Variants in HLA-DRA observed in about 807,000 individuals in gnomAD.
HLA-DRA encodes the protein major histocompatibility complex, class II, DR alpha.
In HLA-DRA, 8 loss-of-function variants were observed where a neutral mutation model predicts 22.1. That is an observed-to-expected ratio of 0.36 (90% confidence interval 0.21 to 0.65). The LOEUF (loss-of-function observed/expected upper bound fraction) is 0.65. Ranked by LOEUF, HLA-DRA falls within the 30% of genes least tolerant of loss-of-function variation. The pLI, the probability that HLA-DRA is intolerant of heterozygous loss-of-function variation, is 0.63. For synonymous variants in HLA-DRA, 101 were observed against 117.1 expected (o/e 0.86, Z 0.89); for missense variants, 248 against 321.3 (o/e 0.77, Z 1.74).
chr6:32,444,069 C>T (rs2239802), intron 4 of HLA-DRA, 148 bp downstream of exon 4: 2 of 511,850 alleles, frequency 3.9e-6, no homozygotes, highest in African/African-American at 2.0e-5. Context: ...ATCAGACATT[C>T]GTATCATCTG....
chr6:32,443,684 A>G, intron 3 of HLA-DRA, 72 bp from the exon 4 acceptor site: 2 of 1,379,408 alleles, frequency 1.4e-6, no homozygotes, highest in Non-Finnish European at 2.0e-6. Flanking sequence ...TTTATTAAGA[A>G]CCCTACATTT....
intron 4 of HLA-DRA, 123 bp downstream of exon 4, chr6:32,444,044 T>C: frequency 1.5e-6 from 1 of 656,924 alleles, no homozygotes. Flanking sequence ...TCTTGATTTC[T>C]CTTTGCTAGA....
chr6:32,440,381 T>C (rs766570560), intron 1 of HLA-DRA, among the ~76,000 whole-genome samples: 9 of 151,772 alleles, frequency 5.9e-5, no homozygotes, highest in East Asian at 3.9e-4. Context: ...TCTGGAAAAT[T>C]AGTAAAATTA....
Position 32,443,752 on chromosome 6 carries a change from C to A in HLA-DRA, c.611-4C>A, listed in dbSNP as rs1224811507. 2 of 1,578,470 alleles carry A rather than the reference C, an allele frequency of 1.3e-6. No individual in the cohort carries two copies. Among genetic ancestry groups the A allele is most frequent in the African/African-American group, 1.4e-5 (1 of 73,668 alleles). ...ACCATGTACTCTGCCTTATTTCCCCCCAGAGTTTGATGCTCCAAGCCCTCT... is the reference window on the plus strand; with the variant it reads ...ACCATGTACTCTGCCTTATTTCCCCACAGAGTTTGATGCTCCAAGCCCTCT... On this transcript the variant is annotated splice_polypyrimidine_tract_variant and splice_region_variant and intron_variant, in intron 3 of 4. Transcript: ENST00000395388.
In HLA-DRA at chr6:32,443,459, G is replaced by A; in HGVS notation, c.603G>A (p.Lys201=). 1 of 1,612,690 alleles carries A rather than the reference G, an allele frequency of 6.2e-7. No individual in the cohort carries two copies. Among genetic ancestry groups the A allele is most frequent in the East Asian group, 2.2e-5 (1 of 44,880 alleles). Residue 201 remains lysine, a synonymous_variant, in exon 3 of 5, where the codon AAG becomes AAA. Transcript: ENST00000395388. ...GGGGCTTGGATGAGCCTCTTCTCAA[G>A]CACTGGGGTATGGACCAACACTCAA... ...EHWGLDEPLL[K]HWEFDAPSPL...
chr6:32,442,829 C>G (rs1380542740), intron 2 of HLA-DRA, 136 bp downstream of exon 2: 53 of 1,057,768 alleles, frequency 5.0e-5, no homozygotes, highest in African/African-American at 8.0e-5. Flanking sequence ...GCCCCAAATT[C>G]TCATGCCAGA....
Position 32,443,322 on chromosome 6 carries a change from G to C in HLA-DRA, c.466G>C (p.Gly156Arg). 1 of 1,613,088 alleles carries C rather than the reference G, an allele frequency of 6.2e-7. No homozygotes were observed. Among genetic ancestry groups the C allele is most frequent in the Non-Finnish European group, 8.5e-7 (1 of 1,180,044 alleles). The part of the protein sequence containing the change: ...WLRNGKPVTT[G>R]VSETVFLPRE... ...TCGAAATGGAAAACCTGTCACCACAGGAGTGTCAGAGACAGTCTTCCTGCC... is the reference window on the plus strand; with the variant it reads ...TCGAAATGGAAAACCTGTCACCACACGAGTGTCAGAGACAGTCTTCCTGCC... Residue 156 changes from glycine to arginine, a missense_variant, in exon 3 of 5, where the codon GGA (glycine) becomes CGA (arginine). Physicochemically the swap from Gly to Arg is moderately radical, Grantham distance 125. Transcript: ENST00000395388.
At chr6:32,442,408 C>T (rs564581448) in intron 1 of HLA-DRA, 40 bp from the exon 2 acceptor site, 12 of 1,609,980 alleles carry the variant, frequency 7.5e-6, no homozygotes, top group Admixed American at 6.7e-5. Context: ...TCTCTTGATT[C>T]CCCCCACCCA....
intron 1 of HLA-DRA, among the ~76,000 whole-genome samples, chr6:32,440,819 C>T (rs1762569661): frequency 6.6e-6 from 1 of 152,210 alleles, no homozygotes; most frequent in Non-Finnish European, 1.5e-5. Context: ...CTTCACCCAG[C>T]GTGACCCCCA....
At chr6:32,440,194 C>A (rs1432426397) in intron 1 of HLA-DRA, among the ~76,000 whole-genome samples, 162 bp downstream of exon 1, 1 of 151,194 alleles carries the variant, frequency 6.6e-6, no homozygotes, top group Non-Finnish European at 1.5e-5. Context: ...TGGAGTTCTT[C>A]CCTCACCACA....
chr6:32,444,011 G>C, intron 4 of HLA-DRA, 90 bp downstream of exon 4: 1 of 950,234 alleles, frequency 1.1e-6, no homozygotes, highest in Non-Finnish European at 1.5e-6. Context: ...GCATTTAAGA[G>C]ACAAGGTAGG....
At chr6:32,442,326 T>C in intron 1 of HLA-DRA, 122 bp from the exon 2 acceptor site, 1 of 1,185,518 alleles carries the variant, frequency 8.4e-7, no homozygotes, top group Non-Finnish European at 1.2e-6. Flanking sequence ...CTCGCCATCA[T>C]TCTTTCATTC....
chr6:32,443,041 T>C lies in HLA-DRA; in HGVS notation c.329-144T>C, dbSNP rs1426075033. On this transcript the variant is annotated intron_variant, in intron 2 of 4. Coordinates refer to ENST00000395388, the MANE Select transcript of HLA-DRA (RefSeq NM_019111.5). ...GAGATTGTTATCTGAGGATGTGACA[T>C]AGATTTCTCAGGGCACAATTTCAAC... 5.4e-6 allele frequency: 4 copies of C among 738,776 alleles called. No individual in the cohort carries two copies. In the African/African-American group the frequency reaches 7.1e-5, roughly 13 times the overall value. 45.8% of individuals were successfully genotyped at this position (738,776 alleles called of 1,614,324 possible).
chr6:32,440,046 G>A lies in HLA-DRA; in HGVS notation c.82+14G>A, dbSNP rs1163184298. ...GGGCTATCAAAGGTAGGTGCTGAGG[G>A]AATGAAATCTGGGACGATAGACTAC... is the stretch of plus-strand genomic sequence containing the variant. On this transcript the variant is annotated intron_variant, in intron 1 of 4. Transcript: ENST00000395388. 14 of 1,607,882 alleles carry A rather than the reference G, an allele frequency of 8.7e-6. 1 individual carries two copies. Among genetic ancestry groups the A allele is most frequent in the Non-Finnish European group, 1.0e-5 (12 of 1,174,330 alleles).
At position 32,443,228 on chromosome 6, in the gene HLA-DRA, GAGA is replaced by G. The variant is rs1410607422; in HGVS notation, c.373_375del (p.Arg125del). The G allele has an allele frequency of 1.2e-6, 2 of 1,612,794 alleles. No homozygotes were observed. Among genetic ancestry groups the G allele is most frequent in the Admixed American group, 3.3e-5 (2 of 60,028 alleles). On this transcript the variant is annotated inframe_deletion, in exon 3 of 5. Coordinates refer to ENST00000395388, the MANE Select transcript of HLA-DRA (RefSeq NM_019111.5). ...TGCTCACAAACAGCCCTGTGGAACT[GAGA>G]GAGCCCAACGTCCTCATCTGTTTCA...
Position 32,442,559 on chromosome 6 carries a change from A to C in HLA-DRA, c.194A>C (p.Glu65Ala). ...EIFHVDMAKK[E>A]TVWRLEEFGR... Reference sequence around the variant, plus strand: ...TTCCATGTGGATATGGCAAAGAAGGAGACGGTCTGGCGGCTTGAAGAATTT... The same window carrying C: ...TTCCATGTGGATATGGCAAAGAAGGCGACGGTCTGGCGGCTTGAAGAATTT... Residue 65 changes from glutamate (E) to alanine (A), a missense_variant, in exon 2 of 5, where the codon GAG (glutamate) becomes GCG (alanine). Coordinates refer to ENST00000395388, the MANE Select transcript of HLA-DRA (RefSeq NM_019111.5). The C allele has an allele frequency of 6.2e-7, 1 of 1,613,058 alleles. No individual in the cohort carries two copies. The highest frequency in any genetic ancestry group is 8.5e-7 in the Non-Finnish European group (1 of 1,180,026).
At chr6:32,443,706 T>C in intron 3 of HLA-DRA, 50 bp from the exon 4 acceptor site, 1 of 1,479,406 alleles carries the variant, frequency 6.8e-7, no homozygotes, top group African/African-American at 1.4e-5. Flanking sequence ...ATTCTGAGTG[T>C]TACTTCTTCC....
chr6:32,440,026 A>G lies in HLA-DRA; in HGVS notation c.76A>G (p.Ile26Val), dbSNP rs760658180. Residue 26 changes from isoleucine to valine, a missense_variant, in exon 1 of 5, where the codon ATC becomes GTC. Ile to Val is a conservative substitution (Grantham distance 29). Transcript: ENST00000395388. ...GATGAGCGCTCAGGAATCATGGGCTATCAAAGGTAGGTGCTGAGGGAATGA... is the reference window on the plus strand; with the variant it reads ...GATGAGCGCTCAGGAATCATGGGCTGTCAAAGGTAGGTGCTGAGGGAATGA... Reference protein sequence around the residue: ...VLMSAQESWAIKEEHVIIQAE... With the variant: ...VLMSAQESWAVKEEHVIIQAE... The G allele has an allele frequency of 1.2e-6, 2 of 1,613,646 alleles. No homozygotes were observed. The highest frequency in any genetic ancestry group is 1.7e-6 in the Non-Finnish European group (2 of 1,179,656).
chr6:32,442,552 A>G lies in HLA-DRA; in HGVS notation c.187A>G (p.Lys63Glu). Residue 63 changes from lysine to glutamate, a missense_variant, in exon 2 of 5, where the codon AAG becomes GAG. Coordinates refer to ENST00000395388, the MANE Select transcript of HLA-DRA (RefSeq NM_019111.5). Reference sequence around the variant, plus strand: ...TGAGATTTTCCATGTGGATATGGCAAAGAAGGAGACGGTCTGGCGGCTTGA... The same window carrying G: ...TGAGATTTTCCATGTGGATATGGCAGAGAAGGAGACGGTCTGGCGGCTTGA... ...GDEIFHVDMA[K>E]KETVWRLEEF... is the part of the protein sequence containing the mutation. The G allele has an allele frequency of 6.2e-7, 1 of 1,613,074 alleles. No homozygotes were observed. Among genetic ancestry groups the G allele is most frequent in the South Asian group, 1.1e-5 (1 of 91,086 alleles).
Sources: allele counts gnomAD v4.1 joint callset (sites outside exome capture counted in the v4.1 genomes callset), GRCh38; gene constraint gnomAD v4.1.1; transcripts MANE v1.5; gene names NCBI Gene and HGNC (gene_info 2026-07-23, HGNC 2026-07-21).